Variants in ZNF536 observed in about 807,000 individuals in gnomAD.
The protein encoded by ZNF536 is zinc finger protein 536.
Under a neutral mutation model 84.5 loss-of-function variants are expected in ZNF536, and 13 were observed. That is an observed-to-expected ratio of 0.15 (90% CI 0.10 to 0.24). ZNF536 has a LOEUF of 0.24. Among genes scored for constraint, ZNF536 ranks in the 10% least tolerant of loss-of-function variants. ZNF536 has a pLI of 1.00. For missense variants in ZNF536, 1,536 were observed against 1,747.5 expected (o/e 0.88, Z 2.16); for synonymous variants, 811 against 742.5 (o/e 1.09, Z -1.50).
chr19:30,586,922 A>G (rs2047114982), intron 1 of ZNF536, among the ~76,000 whole-genome samples: 1 of 152,254 alleles, frequency 6.6e-6, no homozygotes, highest in Admixed American at 6.5e-5. Flanking sequence ...TTCAATTAAA[A>G]TTAATTGAAA....
At chr19:30,510,115 A>G (rs1206011220) in intron 2 of ZNF536, among the ~76,000 whole-genome samples, 2 of 152,188 alleles carry the variant, frequency 1.3e-5, no homozygotes, top group Non-Finnish European at 2.9e-5. Context: ...ACTTCAGCAT[A>G]GCTTTTTTTT....
chr19:30,631,099 A>C (rs958783453), intron 1 of ZNF536, among the ~76,000 whole-genome samples: 4 of 152,284 alleles, frequency 2.6e-5, no homozygotes, highest in Admixed American at 2.0e-4. Flanking sequence ...TGGGCCGTGC[A>C]GCCGGGCACT....
intron 2 of ZNF536, among the ~76,000 whole-genome samples, chr19:30,496,661 G>A (rs562150253): frequency 1.2e-4 from 18 of 152,248 alleles, no homozygotes; most frequent in Admixed American, 6.5e-5. Flanking sequence ...ATGACATTCC[G>A]GAGGTAAAGC....
chr19:30,571,496 G>A (rs992840048), intron 1 of ZNF536, among the ~76,000 whole-genome samples: 1 of 152,150 alleles, frequency 6.6e-6, no homozygotes, highest in East Asian at 1.9e-4. Flanking sequence ...GATGTAAAAG[G>A]CAACCTGGGA....
Position 30,444,517 on chromosome 19 carries a change from G to A in ZNF536, c.955G>A (p.Val319Met), listed in dbSNP as rs142265762. The A allele has an allele frequency of 6.2e-7, 1 of 1,612,622 alleles. No individual in the cohort carries two copies. Among genetic ancestry groups the A allele is most frequent in the Non-Finnish European group, 8.5e-7 (1 of 1,179,876 alleles). ...ASQEEELISH[V>M]EKAHITAESA... is the part of the protein sequence containing the mutation. ...GCAGGAGGAGGAGCTCATCAGCCAC[G>A]TGGAGAAGGCACACATCACGGCCGA... The change falls in exon 2 of 5, where the codon GTG (valine) becomes ATG (methionine). Residue 319 changes from valine (V) to methionine (M), a missense_variant. This residue lies in a region of ZNF536 where 61 missense variants were observed against 104.0 expected (regional missense o/e 0.59). Transcript: ENST00000355537.
chr19:30,453,961 C>A (rs1456624595), intron 2 of ZNF536, among the ~76,000 whole-genome samples: 2 of 152,256 alleles, frequency 1.3e-5, no homozygotes, highest in African/African-American at 2.4e-5. Flanking sequence ...CTTGGCTTGG[C>A]TGCCCACCAC....
At chr19:30,338,544 A>G (rs1463149227) in intron 2 of ZNF536, among the ~76,000 whole-genome samples, 2 of 151,914 alleles carry the variant, frequency 1.3e-5, no homozygotes, top group Non-Finnish European at 2.9e-5. Flanking sequence ...ATGGTGATAG[A>G]CCTTGTGGTA....
In ZNF536 at chr19:30,548,725, G is replaced by A. The variant is rs371328636; in HGVS notation, c.3106G>A (p.Gly1036Arg). ...AGCGAAACGCAAAGATAACACCATC[G>A]GGGTCACAGTCAACTGCAAAGACCA... is the stretch of plus-strand genomic sequence containing the variant. ...GKAKRKDNTI[G>R]VTVNCKDQAR... Residue 1036 changes from glycine to arginine, a missense_variant, in exon 4 of 5, where the codon GGG becomes AGG. Transcript: ENST00000355537. 14 of 1,613,750 alleles carry A rather than the reference G, an allele frequency of 8.7e-6. No individual in the cohort carries two copies. Among genetic ancestry groups the A allele is most frequent in the East Asian group, 6.7e-5 (3 of 44,874 alleles).
chr19:30,232,641 A>G (rs564240955), intron 1 of ZNF536, among the ~76,000 whole-genome samples: 1 of 152,318 alleles, frequency 6.6e-6, no homozygotes. Flanking sequence ...TTGCTACTAT[A>G]AGCAGCATCA....
At chr19:30,308,093 A>G (rs992382191) in intron 2 of ZNF536, among the ~76,000 whole-genome samples, 2 of 152,230 alleles carry the variant, frequency 1.3e-5, no homozygotes, top group Non-Finnish European at 2.9e-5. Context: ...GGCTGGTGAC[A>G]TCTTGGAGAA....
chr19:30,672,335 T>C (rs1388814446), intron 1 of ZNF536, among the ~76,000 whole-genome samples: 1 of 152,224 alleles, frequency 6.6e-6, no homozygotes, highest in Admixed American at 6.5e-5. Context: ...TTTCTGGCAT[T>C]CCCAAGTTGG....
chr19:30,675,353 G>T (rs940887058), intron 1 of ZNF536, among the ~76,000 whole-genome samples: 1 of 152,202 alleles, frequency 6.6e-6, no homozygotes, highest in Non-Finnish European at 1.5e-5. Flanking sequence ...CCCCTCAAAG[G>T]TGTCCGTTGC....
intron 2 of ZNF536, among the ~76,000 whole-genome samples, chr19:30,286,612 C>CAG (rs886378452): frequency 2.8e-4 from 42 of 150,890 alleles, no homozygotes; most frequent in African/African-American, 1.0e-3. Context: ...AGGAGAGAGA[C>CAG]AGAGAGAGAG....
At chr19:30,390,760 A>T (rs1342501753) in intron 1 of ZNF536, among the ~76,000 whole-genome samples, 1 of 152,174 alleles carries the variant, frequency 6.6e-6, no homozygotes, top group Non-Finnish European at 1.5e-5. Flanking sequence ...GAGGATTCTA[A>T]TCAAGTGACT....
chr19:30,305,557 C>T (rs1197693421), intron 2 of ZNF536, among the ~76,000 whole-genome samples: 1 of 152,166 alleles, frequency 6.6e-6, no homozygotes, highest in Non-Finnish European at 1.5e-5. Flanking sequence ...TGAGCCTCAG[C>T]CCCCTTCATC....
At chr19:30,667,622 T>C (rs1346730754) in intron 1 of ZNF536, among the ~76,000 whole-genome samples, 13 of 143,776 alleles carry the variant, frequency 9.0e-5, no homozygotes, top group Admixed American at 2.7e-4. Flanking sequence ...GAGTTTTTTC[T>C]AGCTTTTTTT....
rs1308950674 is a variant in ZNF536, at chr19:30,548,285, A to T, written c.2666A>T (p.Asp889Val). The T allele has an allele frequency of 1.2e-6, 2 of 1,614,052 alleles. No individual in the cohort carries two copies. Among genetic ancestry groups the T allele is most frequent in the Admixed American group, 3.3e-5 (2 of 60,004 alleles). Residue 889 changes from aspartate (D) to valine (V), a missense_variant, in exon 4 of 5, where the codon GAC (aspartate) becomes GTC (valine). This residue lies in a region of ZNF536 where 624 missense variants were observed against 603.1 expected (regional missense o/e 1.03). Transcript: ENST00000355537. ...EVPSDALKGT[D>V]LPSKSTHFSE... is the part of the protein sequence containing the mutation. ...CCCTCAGATGCTCTGAAAGGCACTG[A>T]CCTTCCTTCCAAAAGCACCCACTTC...
intron 1 of ZNF536, among the ~76,000 whole-genome samples, chr19:30,396,498 C>T (rs1479221798): frequency 6.6e-6 from 1 of 151,620 alleles, no homozygotes; most frequent in Non-Finnish European, 1.5e-5. Flanking sequence ...TACAGTGTAG[C>T]AGTTTCAGGG....
intron 1 of ZNF536, among the ~76,000 whole-genome samples, chr19:30,674,916 C>T (rs763886207): frequency 3.3e-5 from 5 of 152,156 alleles, no homozygotes; most frequent in Admixed American, 6.5e-5. Context: ...GAACAGGTCA[C>T]GTGGGCATCG....
Sources: gnomAD v4.1 joint callset for allele counts (sites outside exome capture counted in the v4.1 genomes callset) on GRCh38, gnomAD v4.1.1 for gene constraint, gnomAD v4.1.1 regional missense constraint, MANE v1.5 for transcripts, NCBI Gene and HGNC (gene_info 2026-07-23, HGNC 2026-07-21) for gene names.